SPATA22: variants seen among roughly 807,000 people sequenced by gnomAD.
SPATA22 encodes the protein spermatogenesis associated 22, also known as spermatogenesis-associated protein 22.
SPATA22 carries 29 observed loss-of-function variants against 47.8 expected under a neutral mutation model. The observed-to-expected ratio is 0.61, with a 90% confidence interval of 0.45 to 0.83. The LOEUF is 0.83. Among genes scored for constraint, SPATA22 ranks in the 40% least tolerant of loss-of-function variants. SPATA22 has a pLI of 0.00. For synonymous variants in SPATA22, 133 were observed against 140.9 expected, an observed-to-expected ratio of 0.94 and a Z score of 0.40; for missense variants, 410 against 421.7, an observed-to-expected ratio of 0.97 and a Z score of 0.24.
chr17:3,506,863 G>C (rs1567623590), intron 1 of SPATA22, among the ~76,000 whole-genome samples: 1 of 152,028 alleles, frequency 6.6e-6, no homozygotes, highest in Non-Finnish European at 1.5e-5. Context: ...ATTGCTTGAA[G>C]CCGGGAGGTG....
intron 5 of SPATA22, among the ~76,000 whole-genome samples, chr17:3,453,014 C>A (rs2150707840): frequency 6.6e-6 from 1 of 152,290 alleles, no homozygotes; most frequent in East Asian, 1.9e-4. Flanking sequence ...AATTCCACTT[C>A]CAAATTCATT....
chr17:3,508,609 A>G (rs1299873532), intron 1 of SPATA22, among the ~76,000 whole-genome samples: 10 of 145,752 alleles, frequency 6.9e-5, no homozygotes, highest in African/African-American at 2.5e-4. Flanking sequence ...AGGGACATGG[A>G]TGAAATTGGA....
upstream of SPATA22, chr17:3,475,722 C>T (rs2073511446): frequency 5.4e-6 from 1 of 184,248 alleles, no homozygotes; most frequent in African/African-American, 2.4e-5. Context: ...CTGAGTGGGC[C>T]ACTTTTTTAT....
At chr17:3,498,797 A>T (rs2073951337) in intron 1 of SPATA22, 1 of 1,201,776 alleles carries the variant, frequency 8.3e-7, no homozygotes, top group Non-Finnish European at 1.1e-6. Context: ...AAAACAACAG[A>T]ATACTGTAAT....
intron 1 of SPATA22, among the ~76,000 whole-genome samples, chr17:3,476,833 C>CA (rs1001853283): frequency 5.3e-5 from 8 of 152,060 alleles, no homozygotes; most frequent in African/African-American, 1.9e-4. Flanking sequence ...AGTTCTAGTT[C>CA]AAAAAATGTA....
At chr17:3,458,271 T>C (rs568399280) in intron 5 of SPATA22, among the ~76,000 whole-genome samples, 5 of 152,158 alleles carry the variant, frequency 3.3e-5, no homozygotes, top group Non-Finnish European at 7.3e-5. Flanking sequence ...TACAATGATA[T>C]ATTATCAATT....
intron 3 of SPATA22, among the ~76,000 whole-genome samples, chr17:3,466,988 C>T (rs2073328458): frequency 6.6e-6 from 1 of 152,198 alleles, no homozygotes; most frequent in Non-Finnish European, 1.5e-5. Context: ...TACGGCCAGG[C>T]ACCAGATACT....
chr17:3,446,534 A>T lies in SPATA22; in HGVS notation c.740T>A (p.Ile247Asn). The T allele has an allele frequency of 6.2e-7, 1 of 1,608,930 alleles. No homozygotes were observed. The highest frequency in any genetic ancestry group is 8.5e-7 in the Non-Finnish European group (1 of 1,177,236). Residue 247 changes from isoleucine to asparagine, a missense_variant, in exon 7 of 9, where the codon ATT (isoleucine) becomes AAT (asparagine). Coordinates refer to ENST00000572969, the MANE Select transcript of SPATA22 (RefSeq NM_001170698.2). ...TTCACGCCAATACTTCATGCTTTCA[A>T]TAACTGCAGAAATAATTCTTAAAGA... Reference protein sequence around the residue: ...ASSLRIISAVIESMKYWREHA... With the variant: ...ASSLRIISAVNESMKYWREHA...
intron 5 of SPATA22, among the ~76,000 whole-genome samples, chr17:3,457,560 A>C (rs930065581): frequency 1.3e-5 from 2 of 152,206 alleles, no homozygotes; most frequent in Non-Finnish European, 1.5e-5. Context: ...CAGCCATCAC[A>C]CTTCCTGATT....
chr17:3,493,907 T>C (rs2073867137), intron 1 of SPATA22, among the ~76,000 whole-genome samples: 1 of 152,212 alleles, frequency 6.6e-6, no homozygotes, highest in Admixed American at 6.5e-5. Flanking sequence ...AGGACATCTT[T>C]TGGCCTAGTG....
intron 1 of SPATA22, chr17:3,489,213 C>T: frequency 7.3e-7 from 1 of 1,368,964 alleles, no homozygotes; most frequent in South Asian, 1.2e-5. Flanking sequence ...ATAAATGTGA[C>T]TATCTCTCCT....
chr17:3,440,079 T>C lies in SPATA22; in HGVS notation c.*68A>G, dbSNP rs2072563190. On this transcript the variant is annotated 3_prime_UTR_variant, in exon 9 of 9. Transcript: ENST00000572969. ...AAATACAATAGTAGCTATAAAACTATGGAGATGGTAAATTAAGCAATAACA... is the reference window on the plus strand; with the variant it reads ...AAATACAATAGTAGCTATAAAACTACGGAGATGGTAAATTAAGCAATAACA... The C allele has an allele frequency of 9.9e-7, 1 of 1,009,608 alleles. No homozygotes were observed. The highest frequency in any genetic ancestry group is 2.7e-5 in the East Asian group (1 of 36,674). The allele number at this position is 1,009,608 out of a possible 1,614,324, so 62.5% of individuals were successfully genotyped here. A position where few individuals can be genotyped will look rare whatever the true frequency, so the allele number is the denominator to read the frequency against.
intron 1 of SPATA22, among the ~76,000 whole-genome samples, chr17:3,509,825 C>A: frequency 1.1e-5 from 1 of 91,250 alleles, no homozygotes; most frequent in South Asian, 5.4e-4. Flanking sequence ...TCTCCAGCAT[C>A]TATTGTTTCC....
At chr17:3,486,613 C>T (rs1050807798) in intron 1 of SPATA22, among the ~76,000 whole-genome samples, 3 of 152,208 alleles carry the variant, frequency 2.0e-5, no homozygotes, top group South Asian at 2.1e-4. Context: ...CTTTCTTGAG[C>T]GCCTCATTAG....
chr17:3,473,941 G>A (rs529072594), upstream of SPATA22: 4 of 152,230 alleles, frequency 2.6e-5, no homozygotes, highest in East Asian at 1.9e-4. Context: ...GTGACAATTC[G>A]AAAGGGTTTC....
intron 5 of SPATA22, among the ~76,000 whole-genome samples, chr17:3,458,635 G>A (rs890281466): frequency 1.3e-5 from 2 of 151,932 alleles, no homozygotes; most frequent in African/African-American, 2.4e-5. Flanking sequence ...ATGAGGTCAG[G>A]AGTTGGAGAC....
chr17:3,451,101 T>C (rs1178633715), intron 5 of SPATA22, among the ~76,000 whole-genome samples: 1 of 152,076 alleles, frequency 6.6e-6, no homozygotes, highest in Non-Finnish European at 1.5e-5. Flanking sequence ...AAGCTGAGAA[T>C]AAAGGGATGG....
intron 1 of SPATA22, among the ~76,000 whole-genome samples, chr17:3,477,081 G>A (rs112926051): frequency 6.6e-6 from 1 of 152,054 alleles, no homozygotes; most frequent in East Asian, 1.9e-4. Flanking sequence ...CGTGAACCCG[G>A]GAGGCGGAGC....
At chr17:3,463,774 T>C (rs1163532714) in intron 3 of SPATA22, among the ~76,000 whole-genome samples, 5 of 152,220 alleles carry the variant, frequency 3.3e-5, no homozygotes, top group Non-Finnish European at 1.5e-5. Flanking sequence ...GGTGGTGTGA[T>C]TGACCAAAAC....
Sources: allele counts gnomAD v4.1 joint callset (sites outside exome capture counted in the v4.1 genomes callset), GRCh38; gene constraint gnomAD v4.1.1; transcripts MANE v1.5; gene names NCBI Gene and HGNC (gene_info 2026-07-23, HGNC 2026-07-21).